Variants in ANTXR1 observed in about 807,000 individuals in gnomAD.
ANTXR1 encodes the protein ANTXR cell adhesion molecule 1.
A neutral mutation model predicts 78.1 loss-of-function variants in ANTXR1; 19 were observed. That is an observed-to-expected ratio of 0.24 (90% CI 0.17 to 0.36). The LOEUF is 0.36. ANTXR1 is among the 10% of genes least tolerant of loss of function. The pLI, the probability that ANTXR1 is intolerant of heterozygous loss-of-function variation, is 1.00. For synonymous variants in ANTXR1, 273 were observed against 260.5 expected (o/e 1.05, Z -0.46); for missense variants, 518 against 718.6 (o/e 0.72, Z 3.19).
chr2:69,245,640 G>T lies in ANTXR1; in HGVS notation c.*155G>T. On this transcript the variant is annotated 3_prime_UTR_variant, in exon 18 of 18. Transcript: ENST00000303714. ...GCCAGTATACCAACAATCATGATCA[G>T]CTGAAAGAAACAGATATTTTAAATT... is the stretch of plus-strand genomic sequence containing the variant. The T allele has an allele frequency of 9.6e-7, 1 of 1,040,742 alleles. No homozygotes were observed. Among genetic ancestry groups the T allele is most frequent in the Non-Finnish European group, 1.4e-6 (1 of 715,960 alleles). The allele number at this position is 1,040,742 out of a possible 1,614,324, so 64.5% of individuals were successfully genotyped here.
At chr2:69,060,677 G>C (rs553027852) in intron 3 of ANTXR1, among the ~76,000 whole-genome samples, 1 of 152,174 alleles carries the variant, frequency 6.6e-6, no homozygotes, top group Non-Finnish European at 1.5e-5. Context: ...TGCTGAAAGA[G>C]GTTGAGGAAC....
At chr2:69,056,598 G>T (rs1043859320) in intron 3 of ANTXR1, among the ~76,000 whole-genome samples, 2 of 152,102 alleles carry the variant, frequency 1.3e-5, no homozygotes, top group Non-Finnish European at 2.9e-5. Flanking sequence ...TCATGAATTA[G>T]GGATTTATCA....
chr2:69,137,935 T>C (rs1672961716), intron 12 of ANTXR1, among the ~76,000 whole-genome samples: 1 of 151,242 alleles, frequency 6.6e-6, no homozygotes, highest in Non-Finnish European at 1.5e-5. Flanking sequence ...AATACAAAAA[T>C]TAGCCAGGTG....
chr2:69,121,347 T>C (rs893344781), intron 10 of ANTXR1, among the ~76,000 whole-genome samples: 6 of 152,256 alleles, frequency 3.9e-5, no homozygotes, highest in Admixed American at 6.5e-5. Context: ...ACTGTGTTTC[T>C]CTTCTCAAAG....
rs115162649 is a variant in ANTXR1, at chr2:69,115,714, C to T, written c.803-7303C>T. ...TAGGAACTGGTAAAATAGCTACAGA[C>T]CCAGGAAACTTACCTGGAATGTGTT... On this transcript the variant is annotated intron_variant, in intron 10 of 17. Transcript: ENST00000303714. Among the ~76,000 whole-genome samples the T allele has an allele frequency of 2.0e-3, 305 of 152,288 alleles. 2 individuals are homozygous for T. Among genetic ancestry groups the T allele is most frequent in the African/African-American group, 7.2e-3 (301 of 41,560 alleles).
chr2:69,189,280 T>G (rs2104471475), intron 16 of ANTXR1, among the ~76,000 whole-genome samples: 1 of 152,354 alleles, frequency 6.6e-6, no homozygotes, highest in East Asian at 1.9e-4. Context: ...GGATCAAGCA[T>G]GCCCTGCAAG....
At chr2:69,143,816 C>T (rs139483531) in intron 12 of ANTXR1, among the ~76,000 whole-genome samples, 14 of 152,042 alleles carry the variant, frequency 9.2e-5, no homozygotes, top group Middle Eastern at 3.4e-3. Context: ...CAAGAAGAAG[C>T]CCATGAGGAA....
chr2:69,119,174 G>A (rs1248748870), intron 10 of ANTXR1, among the ~76,000 whole-genome samples: 1 of 152,204 alleles, frequency 6.6e-6, no homozygotes, highest in Non-Finnish European at 1.5e-5. Context: ...GAAGGAGAGA[G>A]GAGTTGTCCA....
At chr2:69,067,465 GCT>G (rs1670434217) in intron 3 of ANTXR1, among the ~76,000 whole-genome samples, 1 of 47,094 alleles carries the variant, frequency 2.1e-5, no homozygotes, top group African/African-American at 8.0e-5. Flanking sequence ...TTTTTTTTTT[GCT>G]CTCTTTTTAA....
At chr2:69,194,475 G>T (rs1674616197) in intron 17 of ANTXR1, among the ~76,000 whole-genome samples, 1 of 152,190 alleles carries the variant, frequency 6.6e-6, no homozygotes, top group South Asian at 2.1e-4. Flanking sequence ...TCCTTATAAA[G>T]TAGATGGCAC....
At chr2:69,146,949 C>T (rs978335939) in intron 12 of ANTXR1, among the ~76,000 whole-genome samples, 1 of 152,238 alleles carries the variant, frequency 6.6e-6, no homozygotes, top group Admixed American at 6.5e-5. Context: ...GCAGCAGTCC[C>T]GACCCTCCTG....
chr2:69,174,791 C>G (rs1674077134), intron 14 of ANTXR1, among the ~76,000 whole-genome samples: 1 of 152,130 alleles, frequency 6.6e-6, no homozygotes, highest in Non-Finnish European at 1.5e-5. Flanking sequence ...ATTTATTGAG[C>G]ATTTATAACT....
intron 9 of ANTXR1, among the ~76,000 whole-genome samples, chr2:69,098,351 T>C (rs1054401550): frequency 2.6e-5 from 4 of 152,236 alleles, no homozygotes; most frequent in African/African-American, 9.6e-5. Flanking sequence ...CATTTTATTT[T>C]TGATGTTCCA....
At chr2:69,090,998 T>C (rs1397288639) in intron 9 of ANTXR1, 79 bp downstream of exon 9, 5 of 1,394,104 alleles carry the variant, frequency 3.6e-6, no homozygotes, top group African/African-American at 1.4e-5. Flanking sequence ...ACTTCATTGT[T>C]GGTGGGGTGG....
intron 14 of ANTXR1, among the ~76,000 whole-genome samples, chr2:69,181,224 G>A (rs1231448484): frequency 6.6e-6 from 1 of 152,144 alleles, no homozygotes; most frequent in East Asian, 1.9e-4. Flanking sequence ...GTGGTGGTGG[G>A]GATGGAGAAG....
intron 3 of ANTXR1, among the ~76,000 whole-genome samples, chr2:69,069,064 C>G (rs1670489247): frequency 6.6e-6 from 1 of 152,090 alleles, no homozygotes; most frequent in Non-Finnish European, 1.5e-5. Flanking sequence ...ATTAAATATT[C>G]CACCTATGAA....
At chr2:69,208,285 AC>A (rs1327833003) in intron 17 of ANTXR1, among the ~76,000 whole-genome samples, 2 of 152,052 alleles carry the variant, frequency 1.3e-5, no homozygotes, top group African/African-American at 2.4e-5. Flanking sequence ...CTCCCTTCTT[AC>A]CCCCACAAGT....
intron 3 of ANTXR1, among the ~76,000 whole-genome samples, chr2:69,047,348 G>A (rs943515552): frequency 2.0e-5 from 3 of 146,668 alleles, no homozygotes; most frequent in Non-Finnish European, 4.4e-5. Flanking sequence ...TAATGCCTAC[G>A]ATTTGTGTCT....
At chr2:69,138,355 G>A (rs556557631) in intron 12 of ANTXR1, among the ~76,000 whole-genome samples, 1 of 152,160 alleles carries the variant, frequency 6.6e-6, no homozygotes, top group Non-Finnish European at 1.5e-5. Flanking sequence ...GGATCATATT[G>A]TCCTAGTTGG....
Sources: allele counts gnomAD v4.1 joint callset (sites outside exome capture counted in the v4.1 genomes callset), GRCh38; gene constraint gnomAD v4.1.1; transcripts MANE v1.5; gene names NCBI Gene and HGNC (gene_info 2026-07-23, HGNC 2026-07-21).